Variants in ZMAT4 observed in about 807,000 individuals in gnomAD.
The protein encoded by ZMAT4 is zinc finger matrin-type 4.
A neutral mutation model predicts 28.7 loss-of-function variants in ZMAT4; 17 were observed. That is an observed-to-expected ratio of 0.59 (90% confidence interval 0.41 to 0.89). The LOEUF is 0.89. Among genes scored for constraint, ZMAT4 ranks in the 40% least tolerant of loss-of-function variants. The pLI, the probability that ZMAT4 is intolerant of heterozygous loss-of-function variation, is 0.00. For missense variants in ZMAT4, 240 were observed against 283.8 expected (o/e 0.85, Z 1.11); for synonymous variants, 117 against 109.2 (o/e 1.07, Z -0.44).
chr8:40,751,686 C>T (rs550520882), intron 3 of ZMAT4, among the ~76,000 whole-genome samples: 66 of 152,122 alleles, frequency 4.3e-4, no homozygotes, highest in African/African-American at 1.4e-3. Context: ...CTTAGGGCAG[C>T]GATGACCAAG....
chr8:40,842,691 C>A (rs1816744691), intron 1 of ZMAT4, among the ~76,000 whole-genome samples: 1 of 152,180 alleles, frequency 6.6e-6, no homozygotes, highest in Admixed American at 6.5e-5. Flanking sequence ...TGAATTTCTG[C>A]AAGAAGAAGG....
chr8:40,724,537 A>G (rs1244819911), intron 3 of ZMAT4, among the ~76,000 whole-genome samples: 1 of 152,236 alleles, frequency 6.6e-6, no homozygotes, highest in Non-Finnish European at 1.5e-5. Context: ...ATCATCTACT[A>G]TATGCCAGGC....
intron 5 of ZMAT4, among the ~76,000 whole-genome samples, chr8:40,607,138 T>G (rs1805621925): frequency 8.0e-6 from 1 of 125,412 alleles, no homozygotes; most frequent in African/African-American, 3.1e-5. Context: ...TTTTTTTTTT[T>G]TTTTGAGATG....
At chr8:40,773,420 G>T (rs938733784) in intron 2 of ZMAT4, among the ~76,000 whole-genome samples, 1 of 152,100 alleles carries the variant, frequency 6.6e-6, no homozygotes, top group African/African-American at 2.4e-5. Flanking sequence ...TTAGGTAGAT[G>T]TTGGAAAGAT....
chr8:40,737,689 G>C (rs957537929), intron 3 of ZMAT4, among the ~76,000 whole-genome samples: 1 of 152,184 alleles, frequency 6.6e-6, no homozygotes, highest in Non-Finnish European at 1.5e-5. Context: ...TGCTCAAGGA[G>C]AGGAAGTGGA....
At chr8:40,760,861 G>T (rs1812910324) in intron 3 of ZMAT4, among the ~76,000 whole-genome samples, 1 of 152,054 alleles carries the variant, frequency 6.6e-6, no homozygotes, top group Admixed American at 6.6e-5. Context: ...CCTGGGGCTT[G>T]GCCAACGTAG....
intron 5 of ZMAT4, among the ~76,000 whole-genome samples, chr8:40,629,512 C>T (rs2118719128): frequency 6.6e-6 from 1 of 151,460 alleles, no homozygotes; most frequent in South Asian, 2.1e-4. Flanking sequence ...CCCATTAACT[C>T]GTCATTTAGC....
At chr8:40,608,132 A>T (rs185496100) in intron 5 of ZMAT4, among the ~76,000 whole-genome samples, 20 of 152,216 alleles carry the variant, frequency 1.3e-4, no homozygotes, top group Admixed American at 4.6e-4. Context: ...AGGGCCATGA[A>T]GTTCCCAAGA....
intron 3 of ZMAT4, among the ~76,000 whole-genome samples, chr8:40,717,608 C>T (rs971542309): frequency 1.1e-4 from 17 of 152,116 alleles, no homozygotes; most frequent in Non-Finnish European, 2.2e-4. Context: ...CTGCTGTGAG[C>T]TGTAATTATA....
chr8:40,648,865 A>G (rs1373946911), intron 5 of ZMAT4, among the ~76,000 whole-genome samples: 4 of 140,152 alleles, frequency 2.9e-5, no homozygotes. Flanking sequence ...TTTACAGACA[A>G]GCAAATGCTG....
At chr8:40,823,499 A>C (rs928574031) in intron 2 of ZMAT4, among the ~76,000 whole-genome samples, 1 of 152,148 alleles carries the variant, frequency 6.6e-6, no homozygotes, top group African/African-American at 2.4e-5. Flanking sequence ...TCTACTAAAA[A>C]TACAAAAAAA....
chr8:40,670,903 C>T (rs538823713), intron 5 of ZMAT4, among the ~76,000 whole-genome samples: 8 of 151,978 alleles, frequency 5.3e-5, no homozygotes, highest in Admixed American at 4.6e-4. Context: ...CCCGTCTCTA[C>T]TAAAAATACG....
chr8:40,701,977 G>A (rs1810169545), intron 3 of ZMAT4, among the ~76,000 whole-genome samples: 1 of 152,114 alleles, frequency 6.6e-6, no homozygotes, highest in Admixed American at 6.5e-5. Flanking sequence ...AGAAGGCTGA[G>A]CCCCCATGAA....
At chr8:40,629,668 G>A (rs1806504157) in intron 5 of ZMAT4, among the ~76,000 whole-genome samples, 1 of 150,022 alleles carries the variant, frequency 6.7e-6, no homozygotes, top group South Asian at 2.1e-4. Flanking sequence ...TTGGTTTTTT[G>A]TCCTTGAGAT....
intron 6 of ZMAT4, among the ~76,000 whole-genome samples, chr8:40,542,503 C>T (rs1664220373): frequency 6.6e-6 from 1 of 152,016 alleles, no homozygotes; most frequent in Admixed American, 6.6e-5. Flanking sequence ...ATCCTCCCAC[C>T]TCAGGCTCTG....
At chr8:40,847,010 C>G (rs1258652731) in intron 1 of ZMAT4, among the ~76,000 whole-genome samples, 1 of 152,038 alleles carries the variant, frequency 6.6e-6, no homozygotes. Context: ...AGTTCGAGAC[C>G]AGCCTAGCCA....
intron 2 of ZMAT4, among the ~76,000 whole-genome samples, chr8:40,803,511 C>T (rs1013781327): frequency 3.3e-5 from 5 of 152,110 alleles, no homozygotes; most frequent in African/African-American, 1.2e-4. Context: ...CAGAAGTCAT[C>T]AGGGAACTGC....
chr8:40,866,372 T>A (rs1426875881), intron 1 of ZMAT4, among the ~76,000 whole-genome samples: 1 of 152,216 alleles, frequency 6.6e-6, no homozygotes, highest in Non-Finnish European at 1.5e-5. Flanking sequence ...CGCTAATAGC[T>A]GGTGAATGTG....
chr8:40,733,005 C>A (rs1811610836), intron 3 of ZMAT4, among the ~76,000 whole-genome samples: 1 of 151,868 alleles, frequency 6.6e-6, no homozygotes, highest in African/African-American at 2.4e-5. Flanking sequence ...GCCACCACAC[C>A]AAGCTAATTT....
Sources: gnomAD v4.1 joint callset for allele counts (sites outside exome capture counted in the v4.1 genomes callset) on GRCh38, gnomAD v4.1.1 for gene constraint, MANE v1.5 for transcripts, NCBI Gene and HGNC (gene_info 2026-07-23, HGNC 2026-07-21) for gene names.